The following SMYD3 variants were observed in gnomAD, a reference collection of about 807,000 sequenced individuals.
The protein encoded by SMYD3 is SET and MYND domain containing 3, also known as histone-lysine N-methyltransferase SMYD3.
Under a neutral mutation model 57.7 loss-of-function variants are expected in SMYD3, and 36 were observed. The observed-to-expected ratio is 0.62, with a 90% CI of 0.48 to 0.82. The LOEUF is 0.82. SMYD3 is among the 40% of genes least tolerant of loss of function. The pLI, the probability that SMYD3 is intolerant of heterozygous loss-of-function variation, is 0.00. For missense variants in SMYD3, 515 were observed against 538.8 expected (o/e 0.96, Z 0.44); for synonymous variants, 211 against 195.0 (o/e 1.08, Z -0.68).
At chr1:246,199,636 C>A (rs2062878687) in intron 5 of SMYD3, among the ~76,000 whole-genome samples, 1 of 152,192 alleles carries the variant, frequency 6.6e-6, no homozygotes, top group African/African-American at 2.4e-5. Context: ...TTGTCACGTA[C>A]AAAATTCAGA....
chr1:246,213,027 G>T (rs761263478), intron 5 of SMYD3, among the ~76,000 whole-genome samples: 11 of 152,098 alleles, frequency 7.2e-5, no homozygotes, highest in Non-Finnish European at 1.5e-4. Flanking sequence ...TCCAGGGCAG[G>T]TGATGACACT....
intron 1 of SMYD3, among the ~76,000 whole-genome samples, chr1:246,391,128 A>T (rs982868926): frequency 6.6e-6 from 1 of 151,764 alleles, no homozygotes; most frequent in East Asian, 1.9e-4. Flanking sequence ...GCTCATGTCT[A>T]TAATTTCAAC....
At chr1:246,111,892 G>A (rs2297820) in intron 5 of SMYD3, among the ~76,000 whole-genome samples, 2,961 of 152,270 alleles carry the variant, frequency 0.019, 141 homozygotes, top group East Asian at 0.16. Context: ...TTAGCCAGCT[G>A]TTAATTCATA....
chr1:245,869,522 C>T (rs929481561), intron 8 of SMYD3, among the ~76,000 whole-genome samples: 6 of 152,208 alleles, frequency 3.9e-5, no homozygotes, highest in South Asian at 4.1e-4. Context: ...TGCACAGCCC[C>T]GGAGAAGTCC....
intron 8 of SMYD3, among the ~76,000 whole-genome samples, chr1:245,889,212 C>G (rs935086752): frequency 2.0e-5 from 3 of 152,180 alleles, no homozygotes; most frequent in African/African-American, 7.2e-5. Flanking sequence ...TTCAAGTTCA[C>G]TGTTGAGCCC....
intron 10 of SMYD3, among the ~76,000 whole-genome samples, chr1:245,809,479 G>T (rs1304540381): frequency 1.3e-5 from 2 of 152,164 alleles, no homozygotes; most frequent in Non-Finnish European, 2.9e-5. Flanking sequence ...AAGGAGTAGA[G>T]TTCTAACTTT....
intron 5 of SMYD3, among the ~76,000 whole-genome samples, chr1:246,016,077 G>C (rs2059371446): frequency 6.6e-6 from 1 of 152,064 alleles, no homozygotes; most frequent in Non-Finnish European, 1.5e-5. Context: ...GTCAGTGGCG[G>C]ACAGAAAAGC....
chr1:245,827,905 G>A (rs978773829), intron 10 of SMYD3, among the ~76,000 whole-genome samples: 26 of 152,132 alleles, frequency 1.7e-4, no homozygotes, highest in African/African-American at 5.3e-4. Context: ...TCCTGCTGCT[G>A]AGCCCATCTA....
At chr1:246,132,944 C>T (rs912295317) in intron 5 of SMYD3, among the ~76,000 whole-genome samples, 9 of 152,028 alleles carry the variant, frequency 5.9e-5, no homozygotes, top group South Asian at 2.1e-4. Context: ...TGCCACTTCA[C>T]ATTCACTAGG....
At chr1:246,201,007 C>A (rs2062914858) in intron 5 of SMYD3, among the ~76,000 whole-genome samples, 1 of 152,132 alleles carries the variant, frequency 6.6e-6, no homozygotes, top group Non-Finnish European at 1.5e-5. Context: ...ATTTCTTGCC[C>A]CCATATTAAC....
chr1:246,078,424 T>C (rs1005066373), intron 5 of SMYD3, among the ~76,000 whole-genome samples: 2 of 152,208 alleles, frequency 1.3e-5, no homozygotes, highest in African/African-American at 4.8e-5. Flanking sequence ...TCTTCTGTTT[T>C]AATCTTCTAT....
At chr1:246,434,067 T>A (rs531591318) in intron 1 of SMYD3, among the ~76,000 whole-genome samples, 1 of 152,290 alleles carries the variant, frequency 6.6e-6, no homozygotes, top group South Asian at 2.1e-4. Context: ...GCTACCTATA[T>A]GCAGAAGAAT....
At chr1:245,951,310 CTCG>C (rs2147943595) in intron 5 of SMYD3, among the ~76,000 whole-genome samples, 2 of 149,486 alleles carry the variant, frequency 1.3e-5, no homozygotes, top group East Asian at 4.2e-4. Flanking sequence ...CTTGAAAATA[CTCG>C]TCGTGGCTCA....
chr1:246,487,249 C>A (rs2068202315), intron 1 of SMYD3, among the ~76,000 whole-genome samples: 1 of 152,114 alleles, frequency 6.6e-6, no homozygotes, highest in African/African-American at 2.4e-5. Context: ...GAGTTTGAAA[C>A]CAGCCTGGCC....
intron 1 of SMYD3, among the ~76,000 whole-genome samples, chr1:246,458,438 C>CTT (rs35956400): frequency 3.4e-4 from 21 of 62,064 alleles, no homozygotes; most frequent in African/African-American, 1.0e-3. Flanking sequence ...AAAAGTCATT[C>CTT]TTTTTTTTTT....
At chr1:246,336,140 C>T (rs2065540274) in intron 2 of SMYD3, among the ~76,000 whole-genome samples, 1 of 152,130 alleles carries the variant, frequency 6.6e-6, no homozygotes, top group South Asian at 2.1e-4. Flanking sequence ...AAGCCATGAT[C>T]CTAGCCATGT....
intron 10 of SMYD3, among the ~76,000 whole-genome samples, chr1:245,786,043 C>T (rs1009698525): frequency 6.1e-5 from 9 of 148,716 alleles, no homozygotes; most frequent in South Asian, 2.2e-4. Flanking sequence ...AGCTATACCA[C>T]GGTTACATTT....
intron 1 of SMYD3, among the ~76,000 whole-genome samples, chr1:246,399,427 C>T (rs2066731700): frequency 6.6e-6 from 1 of 152,056 alleles, no homozygotes; most frequent in African/African-American, 2.4e-5. Flanking sequence ...CTCCACCTCC[C>T]AGGTTCAAGC....
chr1:246,260,728 G>A (rs1036667395), intron 5 of SMYD3, among the ~76,000 whole-genome samples: 1 of 151,922 alleles, frequency 6.6e-6, no homozygotes, highest in Non-Finnish European at 1.5e-5. Flanking sequence ...ACTGCGCCCA[G>A]CCCCATTTTC....
Sources: allele counts gnomAD v4.1 joint callset (sites outside exome capture counted in the v4.1 genomes callset), GRCh38; gene constraint gnomAD v4.1.1; transcripts MANE v1.5; gene names NCBI Gene and HGNC (gene_info 2026-07-23, HGNC 2026-07-21).